CSF2RB: variants seen among roughly 807,000 people sequenced by gnomAD.
CSF2RB encodes colony stimulating factor 2 receptor subunit beta, also known as cytokine receptor common subunit beta.
In CSF2RB, 22 loss-of-function variants were observed where a neutral mutation model predicts 67.2. The ratio of observed to expected loss-of-function variants is 0.33; its 90% CI spans 0.23 to 0.47. The LOEUF (loss-of-function observed/expected upper bound fraction) is 0.47, where lower values mean the gene tolerates loss of function less well. CSF2RB is among the 20% of genes least tolerant of loss of function. CSF2RB has a pLI of 1.00. For missense variants in CSF2RB, 1,113 were observed against 1,174.5 expected (o/e 0.95, Z 0.76); for synonymous variants, 507 against 482.9 (o/e 1.05, Z -0.65).
intron 3 of CSF2RB, among the ~76,000 whole-genome samples, chr22:36,924,507 G>C (rs774647521): frequency 6.6e-6 from 1 of 152,092 alleles, no homozygotes; most frequent in African/African-American, 2.4e-5. Flanking sequence ...CTCCTGACCT[G>C]GCAACCCTGC....
At chr22:36,935,265 G>C in intron 10 of CSF2RB, 86 bp from the exon 11 acceptor site, 1 of 1,281,008 alleles carries the variant, frequency 7.8e-7, no homozygotes, top group Non-Finnish European at 1.1e-6. Flanking sequence ...GGGTCTTAAG[G>C]AATACTGCAC....
At position 36,929,387 on chromosome 22, in the gene CSF2RB, C is replaced by T. The variant is rs750755016; in HGVS notation, c.392-15C>T. The T allele has an allele frequency of 1.1e-4, 184 of 1,614,070 alleles. No homozygotes were observed. The highest frequency in any genetic ancestry group is 2.5e-4 in the Admixed American group (15 of 60,008). On this transcript the variant is annotated splice_polypyrimidine_tract_variant and intron_variant, in intron 4 of 13. Transcript: ENST00000403662. ...CGGTCCAGCCCTTAGGTGCCCTTCA[C>T]TTCCTCCCCTCCAGTCCAGCCTCCT...
intron 8 of CSF2RB, 71 bp downstream of exon 8, chr22:36,930,901 G>A: frequency 6.4e-7 from 1 of 1,569,362 alleles, no homozygotes; most frequent in South Asian, 1.1e-5. Context: ...ACCCGAATCA[G>A]TTCAGGGTTC....
chr22:36,923,489 C>A, intron 3 of CSF2RB, 122 bp downstream of exon 3: 2 of 1,424,390 alleles, frequency 1.4e-6, no homozygotes, highest in Non-Finnish European at 1.9e-6. Context: ...GGACAGAGGA[C>A]AGAGGAGGAG....
intron 4 of CSF2RB, among the ~76,000 whole-genome samples, chr22:36,928,652 G>A (rs1941077744): frequency 6.6e-6 from 1 of 152,196 alleles, no homozygotes; most frequent in Non-Finnish European, 1.5e-5. Context: ...GGAGATAGAT[G>A]CTTGCCTTGT....
rs1941342388 is a variant in CSF2RB at position 36,939,410 on chromosome 22, G to A, written c.*908G>A. On this transcript the variant is annotated 3_prime_UTR_variant, in exon 14 of 14. Transcript: ENST00000403662. Reference sequence around the variant, plus strand: ...TGCTTTAGGGCCTTTGGTCCAAATGGCCCGGGTGGCCACTCTTCCAGATAG... The same window carrying A: ...TGCTTTAGGGCCTTTGGTCCAAATGACCCGGGTGGCCACTCTTCCAGATAG... 6.6e-6 allele frequency: 4 copies of A among 607,482 alleles called. No homozygotes were observed. 37.6% of individuals were successfully genotyped at this position (607,482 alleles called of 1,614,324 possible).
chr22:36,922,893 G>A (rs1940911609), intron 2 of CSF2RB, among the ~76,000 whole-genome samples: 1 of 151,980 alleles, frequency 6.6e-6, no homozygotes, highest in Non-Finnish European at 1.5e-5. Flanking sequence ...GGCTGAGTGT[G>A]TGCCCCCTCC....
intron 3 of CSF2RB, among the ~76,000 whole-genome samples, chr22:36,925,731 G>T (rs1276096911): frequency 2.0e-5 from 3 of 152,144 alleles, no homozygotes; most frequent in African/African-American, 7.2e-5. Context: ...CCCTGGCCCA[G>T]CCCTTCCTCC....
At position 36,938,452 on chromosome 22, in the gene CSF2RB, T is replaced by G. The variant is rs937501020; in HGVS notation, c.2644T>G (p.Tyr882Asp). Residue 882 changes from tyrosine (Y) to aspartate (D), a missense_variant, in exon 14 of 14, where the codon TAC (tyrosine) becomes GAC (aspartate). Transcript: ENST00000403662. The stretch of plus-strand genomic sequence containing the variant: ...CTTCAAAGCCCTGAAGCAGCAGGAC[T>G]ACCTGTCTCTGCCCCCTTGGGAGGT... ...QLFKALKQQD[Y>D]LSLPPWEVNK... The G allele has an allele frequency of 6.2e-7, 1 of 1,614,160 alleles. No homozygotes were observed. Among genetic ancestry groups the G allele is most frequent in the Non-Finnish European group, 8.5e-7 (1 of 1,180,006 alleles).
At chr22:36,929,168 G>A (rs983742684) in intron 4 of CSF2RB, among the ~76,000 whole-genome samples, 4 of 152,178 alleles carry the variant, frequency 2.6e-5, no homozygotes, top group Admixed American at 2.0e-4. Flanking sequence ...TATGGAGTTC[G>A]GGTCACGTGC....
Position 36,939,340 on chromosome 22 carries a change from T to C in CSF2RB, c.*838T>C. 2 of 693,506 alleles carry C rather than the reference T, an allele frequency of 2.9e-6. No individual in the cohort carries two copies. Among genetic ancestry groups the C allele is most frequent in the South Asian group, 1.5e-5 (1 of 66,556 alleles). 43.0% of individuals were successfully genotyped at this position (693,506 alleles called of 1,614,324 possible). A position where few individuals can be genotyped will look rare whatever the true frequency, so the allele number is the denominator to read the frequency against. On this transcript the variant is annotated 3_prime_UTR_variant, in exon 14 of 14. Transcript: ENST00000403662. ...AGAGCCCACGTCTACTGCGGAAAAGTCAGGGGAAACTGCCAAACAAAGGAA... is the reference window on the plus strand; with the variant it reads ...AGAGCCCACGTCTACTGCGGAAAAGCCAGGGGAAACTGCCAAACAAAGGAA...
chr22:36,920,972 G>A (rs1299615475), intron 1 of CSF2RB, among the ~76,000 whole-genome samples: 1 of 142,578 alleles, frequency 7.0e-6, no homozygotes, highest in African/African-American at 2.5e-5. Context: ...CAGCCAGCAT[G>A]TCCATTGATA....
chr22:36,936,750 C>T (rs868471915), intron 13 of CSF2RB, 98 bp downstream of exon 13: 4 of 1,061,486 alleles, frequency 3.8e-6, no homozygotes, highest in Middle Eastern at 2.0e-4. Context: ...GCCTGTGGCT[C>T]ACTGTGAAGG....
Position 36,932,817 on chromosome 22 carries a change from C to T in CSF2RB, c.1065C>T (p.Ser355=), listed in dbSNP as rs746796915. The stretch of plus-strand genomic sequence containing the variant: ...TGACCAAGGATGGAGACAGCTACAG[C>T]CTGCGCTGGGAAACAATGAAAATGC... ...LNVTKDGDSY[S]LRWETMKMRY... is the part of the protein sequence containing the mutation. The change falls in exon 9 of 14, where the codon AGC becomes AGT. Residue 355 remains serine (S), a synonymous_variant. Coordinates refer to ENST00000403662, the MANE Select transcript of CSF2RB (RefSeq NM_000395.3). 1.9e-6 allele frequency: 3 copies of T among 1,614,140 alleles called. No individual in the cohort carries two copies. Among genetic ancestry groups the T allele is most frequent in the Non-Finnish European group, 2.5e-6 (3 of 1,180,046 alleles).
chr22:36,938,194 C>T lies in CSF2RB; in HGVS notation c.2386C>T (p.Pro796Ser). The change falls in exon 14 of 14, where the codon CCA becomes TCA. Residue 796 changes from proline to serine, a missense_variant. Transcript: ENST00000403662. The part of the protein sequence containing the change: ...PPEAKSPVLN[P>S]GERPADVSPT... The stretch of plus-strand genomic sequence containing the variant: ...TGAGGCCAAAAGCCCTGTCCTGAAC[C>T]CAGGGGAACGCCCGGCAGATGTGTC... 1 of 1,614,166 alleles carries T rather than the reference C, an allele frequency of 6.2e-7. No homozygotes were observed. The highest frequency in any genetic ancestry group is 1.1e-5 in the South Asian group (1 of 91,086).
intron 3 of CSF2RB, among the ~76,000 whole-genome samples, chr22:36,925,511 C>A (rs1356857193): frequency 6.6e-6 from 1 of 152,184 alleles, no homozygotes; most frequent in African/African-American, 2.4e-5. Flanking sequence ...TCTCCTAGAC[C>A]TCCCTATCAC....
At chr22:36,918,186 A>C (rs1555921624) in intron 1 of CSF2RB, among the ~76,000 whole-genome samples, 1 of 152,056 alleles carries the variant, frequency 6.6e-6, no homozygotes, top group South Asian at 2.1e-4. Flanking sequence ...TTTTTCCTGA[A>C]ATATAACCTA....
In CSF2RB at chr22:36,923,251, C is replaced by A; in HGVS notation, c.84C>A (p.Ile28=). Residue 28 remains isoleucine, a synonymous_variant, in exon 3 of 14, where the codon ATC becomes ATA. Coordinates refer to ENST00000403662, the MANE Select transcript of CSF2RB (RefSeq NM_000395.3). The part of the protein sequence containing the change: ...ERSLAGAEET[I]PLQTLRCYND... Reference sequence around the variant, plus strand: ...TTCTACCCCTCTTGTCAGAAACCATCCCGCTGCAGACCCTGCGCTGCTACA... The same window carrying A: ...TTCTACCCCTCTTGTCAGAAACCATACCGCTGCAGACCCTGCGCTGCTACA... The A allele has an allele frequency of 6.2e-7, 1 of 1,614,194 alleles. No homozygotes were observed. The highest frequency in any genetic ancestry group is 8.5e-7 in the Non-Finnish European group (1 of 1,180,034).
intron 4 of CSF2RB, among the ~76,000 whole-genome samples, chr22:36,928,862 C>A (rs112688700): frequency 0.011 from 1,647 of 152,286 alleles, 16 homozygotes; most frequent in Middle Eastern, 0.017. Flanking sequence ...AATCCCTCAG[C>A]TGTGGTAAGG....
Sources: gnomAD v4.1 joint callset for allele counts (sites outside exome capture counted in the v4.1 genomes callset) on GRCh38, gnomAD v4.1.1 for gene constraint, MANE v1.5 for transcripts, NCBI Gene and HGNC (gene_info 2026-07-23, HGNC 2026-07-21) for gene names.